The following CSGALNACT1 variants were observed in gnomAD, a reference collection of about 807,000 sequenced individuals.
CSGALNACT1 encodes beta4GalNAcT-1.
CSGALNACT1 carries 52 observed loss-of-function variants against 51.0 expected under a neutral mutation model. That is an observed-to-expected ratio of 1.02 (90% CI 0.82 to 1.29). The LOEUF (loss-of-function observed/expected upper bound fraction) is 1.29, where lower values mean the gene tolerates loss of function less well. Ranked by LOEUF, CSGALNACT1 falls within the 50% of genes most tolerant of loss-of-function variation. CSGALNACT1 has a pLI of 0.00. For missense variants in CSGALNACT1, 935 were observed against 679.2 expected (o/e 1.38, Z -4.19); for synonymous variants, 341 against 254.4 (o/e 1.34, Z -3.24).
At chr8:19,505,857 G>A (rs1481546395) in exon 4 of CSGALNACT1, 4 of 1,605,488 alleles carry the variant, frequency 2.5e-6, no homozygotes, top group Non-Finnish European at 3.4e-6. Flanking sequence ...CATGCGTCCA[G>A]AACCGGTGGC....
chr8:19,719,935 G>A (rs2063023998), intron 1 of CSGALNACT1, among the ~76,000 whole-genome samples: 1 of 152,216 alleles, frequency 6.6e-6, no homozygotes, highest in South Asian at 2.1e-4. Context: ...ACTAGTTAGG[G>A]TCTTCCAAGA....
chr8:19,453,540 A>T (rs1412734219), intron 5 of CSGALNACT1, among the ~76,000 whole-genome samples: 1 of 152,268 alleles, frequency 6.6e-6, no homozygotes, highest in Non-Finnish European at 1.5e-5. Context: ...GAACTCAAAA[A>T]TAAAGCATCC....
chr8:19,509,858 G>C (rs902400807), intron 3 of CSGALNACT1, among the ~76,000 whole-genome samples: 4 of 152,128 alleles, frequency 2.6e-5, no homozygotes, highest in Non-Finnish European at 5.9e-5. Context: ...AGAGATGACA[G>C]TGAAAATACA....
intron 4 of CSGALNACT1, among the ~76,000 whole-genome samples, chr8:19,496,294 G>A (rs1165950936): frequency 1.3e-5 from 2 of 152,118 alleles, no homozygotes; most frequent in Non-Finnish European, 2.9e-5. Flanking sequence ...CACGGGATCC[G>A]AGGCTTTCAT....
intron 5 of CSGALNACT1, among the ~76,000 whole-genome samples, chr8:19,450,480 G>A (rs2062983754): frequency 6.6e-6 from 1 of 152,114 alleles, no homozygotes; most frequent in Non-Finnish European, 1.5e-5. Flanking sequence ...AGGGAGGCGG[G>A]TGGGGCATCC....
At chr8:19,496,603 A>AT (rs1051146443) in intron 4 of CSGALNACT1, among the ~76,000 whole-genome samples, 7 of 152,320 alleles carry the variant, frequency 4.6e-5, no homozygotes, top group African/African-American at 1.4e-4. Flanking sequence ...GAACCACATA[A>AT]CCTTAGAATC....
intron 3 of CSGALNACT1, among the ~76,000 whole-genome samples, chr8:19,547,240 A>C (rs918137314): frequency 2.6e-5 from 4 of 152,198 alleles, no homozygotes; most frequent in African/African-American, 7.2e-5. Context: ...AATATAACAC[A>C]CAGCCAAGTA....
intron 5 of CSGALNACT1, among the ~76,000 whole-genome samples, chr8:19,449,358 G>A (rs28558362): frequency 1.6e-4 from 24 of 152,166 alleles, no homozygotes; most frequent in Non-Finnish European, 1.3e-4. Flanking sequence ...TATGGGAGAG[G>A]TAGAGGGGCT....
chr8:19,542,108 G>C lies in CSGALNACT1; in HGVS notation c.-296-35978C>G, dbSNP rs139857702. Among the ~76,000 whole-genome samples, 1,003 of 152,016 alleles carry C rather than the reference G, an allele frequency of 6.6e-3. 14 individuals are homozygous for C. Among genetic ancestry groups the C allele is most frequent in the African/African-American group, 0.023 (954 of 41,474 alleles). ...GGAAGCAAAAAGAATAAATGACAAG[G>C]AATTGTTTTCCAAATGCTTTCTTCT... On this transcript the variant is annotated intron_variant, in intron 3 of 9. Transcript: ENST00000454498.
At chr8:19,412,004 T>C (rs1232811065) in intron 8 of CSGALNACT1, among the ~76,000 whole-genome samples, 1 of 152,088 alleles carries the variant, frequency 6.6e-6, no homozygotes, top group African/African-American at 2.4e-5. Context: ...CTACATTTTT[T>C]ATATTTTTAG....
At chr8:19,520,204 T>C (rs2154029023) in intron 3 of CSGALNACT1, among the ~76,000 whole-genome samples, 1 of 152,350 alleles carries the variant, frequency 6.6e-6, no homozygotes, top group East Asian at 1.9e-4. Flanking sequence ...AGAATGCACG[T>C]ATTGTGCAGA....
chr8:19,572,503 G>A (rs76386122), intron 3 of CSGALNACT1, among the ~76,000 whole-genome samples: 206 of 152,252 alleles, frequency 1.4e-3, no homozygotes, highest in African/African-American at 4.6e-3. Flanking sequence ...CAAGGCTTAC[G>A]TACCAATGAA....
chr8:19,737,147 A>G (rs926238118), intron 1 of CSGALNACT1, among the ~76,000 whole-genome samples: 3 of 152,196 alleles, frequency 2.0e-5, no homozygotes, highest in African/African-American at 7.2e-5. Flanking sequence ...TAATGAAACT[A>G]TCTTTGAAAG....
chr8:19,732,145 T>C (rs1172824037), intron 1 of CSGALNACT1, among the ~76,000 whole-genome samples: 1 of 152,212 alleles, frequency 6.6e-6, no homozygotes, highest in East Asian at 1.9e-4. Context: ...CCCTTTTTTC[T>C]AGAAATTAGT....
chr8:19,498,993 G>C (rs2075966219), intron 4 of CSGALNACT1, among the ~76,000 whole-genome samples: 1 of 152,086 alleles, frequency 6.6e-6, no homozygotes, highest in African/African-American at 2.4e-5. Context: ...GTACACACCT[G>C]TAGCCCAGCT....
intron 4 of CSGALNACT1, among the ~76,000 whole-genome samples, chr8:19,473,445 G>A (rs2068675778): frequency 1.3e-5 from 2 of 152,100 alleles, no homozygotes; most frequent in African/African-American, 4.8e-5. Flanking sequence ...GATTATCACA[G>A]GGTCCTTCCC....
chr8:19,563,556 A>G (rs1006340719), intron 3 of CSGALNACT1, among the ~76,000 whole-genome samples: 17 of 152,112 alleles, frequency 1.1e-4, no homozygotes, highest in Admixed American at 1.0e-3. Context: ...ATCTGTGTCA[A>G]AAGAACCCAT....
intron 5 of CSGALNACT1, among the ~76,000 whole-genome samples, chr8:19,443,948 G>C (rs1278607421): frequency 1.3e-5 from 2 of 152,164 alleles, no homozygotes; most frequent in African/African-American, 2.4e-5. Flanking sequence ...TCAAGCATTA[G>C]AGTCTCATAA....
At chr8:19,452,537 G>A (rs539941549) in intron 5 of CSGALNACT1, among the ~76,000 whole-genome samples, 24 of 152,190 alleles carry the variant, frequency 1.6e-4, no homozygotes, top group African/African-American at 5.8e-4. Flanking sequence ...CATGCTGAGA[G>A]CTGATGACAT....
Sources: allele counts gnomAD v4.1 joint callset (sites outside exome capture counted in the v4.1 genomes callset), GRCh38; gene constraint gnomAD v4.1.1; transcripts MANE v1.5; gene names NCBI Gene and HGNC (gene_info 2026-07-23, HGNC 2026-07-21).